Variants in RETREG2 observed in about 807,000 individuals in gnomAD.
The protein encoded by RETREG2 is reticulophagy regulator family member 2.
RETREG2 carries 21 observed loss-of-function variants against 51.6 expected under a neutral mutation model. The observed-to-expected ratio is 0.41, with a 90% CI of 0.29 to 0.59. The LOEUF is 0.59. Among genes scored for constraint, RETREG2 ranks in the 20% least tolerant of loss-of-function variants. The pLI is 0.34. For synonymous variants in RETREG2, 339 were observed against 288.6 expected (o/e 1.17, Z -1.77); for missense variants, 674 against 646.0 (o/e 1.04, Z -0.47).
In RETREG2 at chr2:219,180,693, C is replaced by T; in HGVS notation, c.579C>T (p.Gly193=). 6.2e-7 allele frequency: 1 copy of T among 1,613,662 alleles called. No homozygotes were observed. Among genetic ancestry groups the T allele is most frequent in the Non-Finnish European group, 8.5e-7 (1 of 1,179,542 alleles). ...PAQFCVRVCS[G]CAVLAVLGHY... ...AGTTCTGCGTTCGAGTCTGCTCTGGCTGTGCTGTGTTGGCTGTGTTGGGAC... is the reference window on the plus strand; with the variant it reads ...AGTTCTGCGTTCGAGTCTGCTCTGGTTGTGCTGTGTTGGCTGTGTTGGGAC... The change falls in exon 5 of 9, where the codon GGC becomes GGT. Residue 193 remains glycine, a synonymous_variant. Coordinates refer to ENST00000430297, the MANE Select transcript of RETREG2 (RefSeq NM_024293.6).
chr2:219,180,240 G>C lies in RETREG2; in HGVS notation c.550G>C (p.Ala184Pro). The change falls in exon 4 of 9, where the codon GCT (alanine) becomes CCT (proline). Residue 184 changes from alanine to proline, a missense_variant. By Grantham distance (27) the Ala-to-Pro change is conservative (BLOSUM62 -1). Coordinates refer to ENST00000430297, the MANE Select transcript of RETREG2 (RefSeq NM_024293.6). ...GCTGCAGTACAAGAGGCAGAATCCAGCTCAGGTAACCTCCCCTACATCATA... is the reference window on the plus strand; with the variant it reads ...GCTGCAGTACAAGAGGCAGAATCCACCTCAGGTAACCTCCCCTACATCATA... Reference protein sequence around the residue: ...ELLQYKRQNPAQFCVRVCSGC... With the variant: ...ELLQYKRQNPPQFCVRVCSGC... The C allele has an allele frequency of 6.2e-7, 1 of 1,614,194 alleles. No homozygotes were observed. Among genetic ancestry groups the C allele is most frequent in the Non-Finnish European group, 8.5e-7 (1 of 1,180,032 alleles).
chr2:219,182,169 A>T lies in RETREG2; in HGVS notation c.1172A>T (p.Asp391Val), dbSNP rs776354951. 4 of 1,614,022 alleles carry T rather than the reference A, an allele frequency of 2.5e-6. No individual in the cohort carries two copies. The highest frequency in any genetic ancestry group is 3.4e-6 in the Non-Finnish European group (4 of 1,179,976). ...CTGGACTCGGAGGAAGAGGAAGAGG[A>T]TGTGGCAGCTAAGGAAACCTTGTTG... The part of the protein sequence containing the change: ...QALDSEEEEE[D>V]VAAKETLLRL... The change falls in exon 9 of 9, where the codon GAT (aspartate) becomes GTT (valine). Residue 391 changes from aspartate (D) to valine (V), a missense_variant. Coordinates refer to ENST00000430297, the MANE Select transcript of RETREG2 (RefSeq NM_024293.6).
rs2106402938 is a variant in RETREG2 at position 219,184,643 on chromosome 2, A to G, written c.*2014A>G. ...AATCAATAAGCAAGCAATTCAAGAA[A>G]AATAGAATTAATCAGGCAATGACTG... On this transcript the variant is annotated 3_prime_UTR_variant, in exon 9 of 9. Transcript: ENST00000430297. The G allele has an allele frequency of 6.6e-6, 1 of 152,268 alleles. No homozygotes were observed. The highest frequency in any genetic ancestry group is 2.1e-4 in the South Asian group (1 of 4,826). The allele number at this position is 152,268 out of a possible 1,614,324, so 9.4% of individuals were successfully genotyped here.
At position 219,184,637 on chromosome 2, in the gene RETREG2, C is replaced by G. The variant is rs1439950017; in HGVS notation, c.*2008C>G. Reference sequence around the variant, plus strand: ...AGTTCTAATCAATAAGCAAGCAATTCAAGAAAAATAGAATTAATCAGGCAA... The same window carrying G: ...AGTTCTAATCAATAAGCAAGCAATTGAAGAAAAATAGAATTAATCAGGCAA... On this transcript the variant is annotated 3_prime_UTR_variant, in exon 9 of 9. Coordinates refer to ENST00000430297, the MANE Select transcript of RETREG2 (RefSeq NM_024293.6). The G allele has an allele frequency of 6.6e-6, 1 of 152,044 alleles. No individual in the cohort carries two copies. The highest frequency in any genetic ancestry group is 1.9e-4 in the East Asian group (1 of 5,196). 9.4% of individuals were successfully genotyped at this position (152,044 alleles called of 1,614,324 possible). A position where few individuals can be genotyped will look rare whatever the true frequency, so the allele number is the denominator to read the frequency against.
chr2:219,180,104 C>T lies in RETREG2; in HGVS notation c.420-6C>T. On this transcript the variant is annotated splice_polypyrimidine_tract_variant and splice_region_variant and intron_variant, in intron 3 of 8. Coordinates refer to ENST00000430297, the MANE Select transcript of RETREG2 (RefSeq NM_024293.6). ...GGCCTCCAGGGGTCATGTCATGTCT[C>T]CCCAGTGAGGGTGCGGGGTCAGGCG... 1 of 1,613,870 alleles carries T rather than the reference C, an allele frequency of 6.2e-7. No homozygotes were observed. The highest frequency in any genetic ancestry group is 8.5e-7 in the Non-Finnish European group (1 of 1,179,962).
chr2:219,179,071 T>C, intron 2 of RETREG2, 43 bp downstream of exon 2: 1 of 1,434,776 alleles, frequency 7.0e-7, no homozygotes, highest in Non-Finnish European at 9.8e-7. Flanking sequence ...GGGTACTTGC[T>C]TGGTGCCTGA....
chr2:219,178,504 G>A lies in RETREG2; in HGVS notation c.152G>A (p.Arg51His). The A allele has an allele frequency of 2.2e-6, 3 of 1,352,734 alleles. No individual in the cohort carries two copies. Among genetic ancestry groups the A allele is most frequent in the Non-Finnish European group, 2.9e-6 (3 of 1,034,280 alleles). The allele number at this position is 1,352,734 out of a possible 1,614,324, so 83.8% of individuals were successfully genotyped here. ...GCGGCCACGGCCGAGGCGGTGGGAC[G>A]CCTGGCCACGACGCTGTGGCTGCGG... ...EEAATAEAVG[R>H]LATTLWLRLR... The change falls in exon 1 of 9, where the codon CGC becomes CAC. Residue 51 changes from arginine to histidine, a missense_variant. Coordinates refer to ENST00000430297, the MANE Select transcript of RETREG2 (RefSeq NM_024293.6).
At position 219,182,352 on chromosome 2, in the gene RETREG2, C is replaced by A. The variant is rs1950293528; in HGVS notation, c.1355C>A (p.Pro452Gln). 7 of 1,614,010 alleles carry A rather than the reference C, an allele frequency of 4.3e-6. No individual in the cohort carries two copies. The East Asian group carries it at 1.6e-4, about 36-fold the overall frequency. Reference sequence around the variant, plus strand: ...GCTCTGCCCGGCACCCTGTCACCTCCACTTTGCCTTGTTGGAAGTGACCCA... The same window carrying A: ...GCTCTGCCCGGCACCCTGTCACCTCAACTTTGCCTTGTTGGAAGTGACCCA... ...LTALPGTLSPPLCLVGSDPAP... is the reference protein window; with the variant it reads ...LTALPGTLSPQLCLVGSDPAP... The change falls in exon 9 of 9, where the codon CCA becomes CAA. Residue 452 changes from proline to glutamine, a missense_variant. Coordinates refer to ENST00000430297, the MANE Select transcript of RETREG2 (RefSeq NM_024293.6).
At position 219,181,632 on chromosome 2, in the gene RETREG2, C is replaced by T. The variant is rs369596884; in HGVS notation, c.880-8C>T. ...CACATGTCGTGTTCATCCTGGTTCT[C>T]CTGCCAGGTGGATGTGAAGAAAACA... is the stretch of plus-strand genomic sequence containing the variant. On this transcript the variant is annotated splice_region_variant and splice_polypyrimidine_tract_variant and intron_variant, in intron 7 of 8. Transcript: ENST00000430297. The T allele has an allele frequency of 5.9e-5, 95 of 1,613,540 alleles. No homozygotes were observed. The highest frequency in any genetic ancestry group is 7.6e-5 in the Non-Finnish European group (90 of 1,179,656).
At position 219,183,322 on chromosome 2, in the gene RETREG2, A is replaced by G. The variant is rs930546913; in HGVS notation, c.*693A>G. 2 of 152,604 alleles carry G rather than the reference A, an allele frequency of 1.3e-5. No individual in the cohort carries two copies. The highest frequency in any genetic ancestry group is 4.8e-5 in the African/African-American group (2 of 41,438). The allele number at this position is 152,604 out of a possible 1,614,324, so 9.5% of individuals were successfully genotyped here. A position where few individuals can be genotyped will look rare whatever the true frequency, so the allele number is the denominator to read the frequency against. ...CAGGAGAGCAGGGATCCCGCAGTACATGGCGCCAGCACTGGAGTTGGTGAG... is the reference window on the plus strand; with the variant it reads ...CAGGAGAGCAGGGATCCCGCAGTACGTGGCGCCAGCACTGGAGTTGGTGAG... On this transcript the variant is annotated 3_prime_UTR_variant, in exon 9 of 9. Coordinates refer to ENST00000430297, the MANE Select transcript of RETREG2 (RefSeq NM_024293.6).
At position 219,183,838 on chromosome 2, in the gene RETREG2, TA is replaced by T. The variant is rs1276323111; in HGVS notation, c.*1211del. On this transcript the variant is annotated 3_prime_UTR_variant, in exon 9 of 9. Transcript: ENST00000430297. ...AAGAAGTCTTCACCCATCTACATGCTAACAACTCACTCAGCCTGGATTTATC... is the reference window on the plus strand; with the variant it reads ...AAGAAGTCTTCACCCATCTACATGCTACAACTCACTCAGCCTGGATTTATC... 6.6e-6 allele frequency: 1 copy of T among 152,224 alleles called. No individual in the cohort carries two copies. Among genetic ancestry groups the T allele is most frequent in the Non-Finnish European group, 1.5e-5 (1 of 68,038 alleles). 9.4% of individuals were successfully genotyped at this position (152,224 alleles called of 1,614,324 possible). A position where few individuals can be genotyped will look rare whatever the true frequency, so the allele number is the denominator to read the frequency against.
chr2:219,178,962 A>T lies in RETREG2; in HGVS notation c.322A>T (p.Ser108Cys), dbSNP rs1559219719. 6.2e-7 allele frequency: 1 copy of T among 1,613,952 alleles called. No homozygotes were observed. The highest frequency in any genetic ancestry group is 2.2e-5 in the East Asian group (1 of 44,880). Residue 108 changes from serine to cysteine, a missense_variant, in exon 2 of 9, where the codon AGC (serine) becomes TGC (cysteine). Ser to Cys is a moderately radical substitution (Grantham distance 112). Coordinates refer to ENST00000430297, the MANE Select transcript of RETREG2 (RefSeq NM_024293.6). ...GTCCCTCCGGCCCTTCTTCCTACTC[A>T]GCGTCTCACTTTTGGCCTATTTTCT... ...SSSLRPFFLL[S>C]VSLLAYFLLD...
In RETREG2 at chr2:219,179,740, C is replaced by G. The variant is rs1263417320; in HGVS notation, c.396C>G (p.Ser132=). Residue 132 remains serine (S), a synonymous_variant, in exon 3 of 9, where the codon TCC becomes TCG. Transcript: ENST00000430297. The part of the protein sequence containing the change: ...PRFLPDVSAS[S]PEEPHSDSEG... ...CCCCTCCTCTCTCTCTAGCATCATC[C>G]CCAGAGGAGCCACACTCTGACAGGT... The G allele has an allele frequency of 1.2e-6, 2 of 1,614,018 alleles. No individual in the cohort carries two copies. The highest frequency in any genetic ancestry group is 8.5e-7 in the Non-Finnish European group (1 of 1,179,932).
At chr2:219,180,311 G>C in intron 4 of RETREG2, 66 bp downstream of exon 4, 1 of 1,599,522 alleles carries the variant, frequency 6.3e-7, no homozygotes, top group South Asian at 1.1e-5. Context: ...CGGGGGATGG[G>C]AGTGGAGTGA....
rs75009143 is a variant in RETREG2, at chr2:219,181,938, T to A, written c.1016-75T>A. 192 of 1,578,878 alleles carry A rather than the reference T, an allele frequency of 1.2e-4. No individual in the cohort carries two copies. The African/African-American group carries it at 2.4e-3, about 20-fold the overall frequency. ...CAGCTTTCCATGTCTTGAGTTCTCA[T>A]CCTTGAACTCATTGTCTGTTGTGGC... On this transcript the variant is annotated intron_variant, in intron 8 of 8. Coordinates refer to ENST00000430297, the MANE Select transcript of RETREG2 (RefSeq NM_024293.6).
At chr2:219,180,996 C>T (rs557981609) in intron 5 of RETREG2, 66 bp from the exon 6 acceptor site, 3 of 1,595,818 alleles carry the variant, frequency 1.9e-6, no homozygotes, top group Middle Eastern at 1.7e-4. Context: ...AGTTTAGGGA[C>T]CAGTTGAATG....
Position 219,180,264 on chromosome 2 carries a change from T to TA in RETREG2, c.555+20dup. The TA allele has an allele frequency of 3.1e-6, 5 of 1,614,054 alleles. No individual in the cohort carries two copies. In the South Asian group the frequency reaches 4.4e-5, roughly 14 times the overall value. On this transcript the variant is annotated intron_variant, in intron 4 of 8. Coordinates refer to ENST00000430297, the MANE Select transcript of RETREG2 (RefSeq NM_024293.6). ...AGCTCAGGTAACCTCCCCTACATCA[T>TA]ACAACAGTTCACTACACTGAAGGGG... is the stretch of plus-strand genomic sequence containing the variant.
At chr2:219,180,484 G>A (rs1950262591) in intron 4 of RETREG2, among the ~76,000 whole-genome samples, 186 bp from the exon 5 acceptor site, 1 of 152,234 alleles carries the variant, frequency 6.6e-6, no homozygotes, top group Admixed American at 6.5e-5. Context: ...TGAATTACAG[G>A]TGGTGGGCAT....
At position 219,179,758 on chromosome 2, in the gene RETREG2, T is replaced by C. The variant is rs769222608; in HGVS notation, c.414T>C (p.Ser138=). 2 of 1,613,986 alleles carry C rather than the reference T, an allele frequency of 1.2e-6. No individual in the cohort carries two copies. The highest frequency in any genetic ancestry group is 1.7e-6 in the Non-Finnish European group (2 of 1,179,970). The change falls in exon 3 of 9, where the codon TCT becomes TCC. Residue 138 remains serine (S), a synonymous_variant. Coordinates refer to ENST00000430297, the MANE Select transcript of RETREG2 (RefSeq NM_024293.6). ...VSASSPEEPH[S]DSEGAGSGAR... Reference sequence around the variant, plus strand: ...CATCATCCCCAGAGGAGCCACACTCTGACAGGTGAGTACAGGCCACCTCTT... The same window carrying C: ...CATCATCCCCAGAGGAGCCACACTCCGACAGGTGAGTACAGGCCACCTCTT...
Sources: allele counts gnomAD v4.1 joint callset (sites outside exome capture counted in the v4.1 genomes callset), GRCh38; gene constraint gnomAD v4.1.1; transcripts MANE v1.5; gene names NCBI Gene and HGNC (gene_info 2026-07-23, HGNC 2026-07-21).